GABRB3: variants seen among roughly 807,000 people sequenced by gnomAD.
The protein encoded by GABRB3 is gamma-aminobutyric acid receptor subunit beta-3.
GABRB3 carries 14 observed loss-of-function variants against 52.1 expected under a neutral mutation model. That is an observed-to-expected ratio of 0.27 (90% CI 0.18 to 0.42). The LOEUF (loss-of-function observed/expected upper bound fraction) is 0.42, where lower values mean the gene tolerates loss of function less well. Ranked by LOEUF, GABRB3 falls within the 10% of genes least tolerant of loss-of-function variation. GABRB3 has a pLI of 1.00. For missense variants in GABRB3, 307 were observed against 609.1 expected (o/e 0.50, Z 5.22); for synonymous variants, 260 against 232.3 (o/e 1.12, Z -1.08).
chr15:26,628,854 AC>A (rs1164899386), intron 3 of GABRB3: 3 of 1,022,204 alleles, frequency 2.9e-6, no homozygotes, highest in Non-Finnish European at 2.9e-6. Flanking sequence ...GAGGCCTGAA[AC>A]GGCAGTCCTC....
upstream of GABRB3, chr15:26,773,693 G>A (rs866839835): frequency 6.3e-7 from 1 of 1,575,366 alleles, no homozygotes; most frequent in East Asian, 2.3e-5. Flanking sequence ...GAGCCAGATG[G>A]GCAGCAGGAG....
chr15:26,582,037 C>T (rs1309920979), intron 5 of GABRB3, among the ~76,000 whole-genome samples: 2 of 152,126 alleles, frequency 1.3e-5, no homozygotes, highest in Non-Finnish European at 2.9e-5. Flanking sequence ...TTTCTTTTAT[C>T]TATTCCCAAT....
chr15:26,680,400 T>C (rs1385777356), intron 3 of GABRB3, among the ~76,000 whole-genome samples: 1 of 152,064 alleles, frequency 6.6e-6, no homozygotes, highest in Non-Finnish European at 1.5e-5. Flanking sequence ...AATCCCCACC[T>C]TGGAAGAACT....
intron 3 of GABRB3, among the ~76,000 whole-genome samples, chr15:26,769,025 G>A (rs28581285): frequency 0.013 from 1,930 of 151,870 alleles, 44 homozygotes; most frequent in African/African-American, 0.044. Flanking sequence ...TGAGATCAGA[G>A]ACATTTTTTG....
chr15:26,555,606 C>T (rs1190205580), intron 8 of GABRB3, among the ~76,000 whole-genome samples: 1 of 152,170 alleles, frequency 6.6e-6, no homozygotes, highest in Non-Finnish European at 1.5e-5. Flanking sequence ...CTACAGTGCT[C>T]TTGGGGGCTT....
At chr15:26,642,809 T>C (rs1893240506) in intron 3 of GABRB3, among the ~76,000 whole-genome samples, 1 of 152,200 alleles carries the variant, frequency 6.6e-6, no homozygotes, top group South Asian at 2.1e-4. Flanking sequence ...TTATTGTGTT[T>C]ATCCATTCAT....
intron 3 of GABRB3, among the ~76,000 whole-genome samples, chr15:26,681,903 A>G (rs1888251589): frequency 6.6e-6 from 1 of 152,132 alleles, no homozygotes; most frequent in African/African-American, 2.4e-5. Context: ...GGATGCAGTG[A>G]GCTATGACTG....
chr15:26,671,920 A>T (rs34790186), intron 3 of GABRB3, among the ~76,000 whole-genome samples: 38,620 of 151,868 alleles, frequency 0.25, 5,614 homozygotes, highest in Middle Eastern at 0.45. Context: ...CCCAGGGAAA[A>T]AGTTACTTGT....
chr15:26,720,688 T>C (rs1221595454), intron 3 of GABRB3, among the ~76,000 whole-genome samples: 2 of 152,214 alleles, frequency 1.3e-5, no homozygotes, highest in African/African-American at 2.4e-5. Context: ...ACCTTCTTTA[T>C]ACATGTATAG....
intron 3 of GABRB3, among the ~76,000 whole-genome samples, chr15:26,684,425 G>A (rs1566804677): frequency 6.6e-6 from 1 of 152,108 alleles, no homozygotes; most frequent in Admixed American, 6.5e-5. Flanking sequence ...GAAGAAAAAC[G>A]CACCAGAGTG....
At chr15:26,594,793 C>T (rs1891337219) in intron 4 of GABRB3, among the ~76,000 whole-genome samples, 3 of 152,124 alleles carry the variant, frequency 2.0e-5, no homozygotes, top group Admixed American at 2.0e-4. Flanking sequence ...TAAGATTACA[C>T]GCATGAGCCA....
intron 7 of GABRB3, among the ~76,000 whole-genome samples, chr15:26,566,439 A>G (rs2140693171): frequency 6.6e-6 from 1 of 152,262 alleles, no homozygotes; most frequent in East Asian, 1.9e-4. Context: ...GGTAAACAGA[A>G]AAAGGGCTGG....
chr15:26,666,996 A>T (rs1203199878), intron 3 of GABRB3, among the ~76,000 whole-genome samples: 1 of 144,930 alleles, frequency 6.9e-6, no homozygotes, highest in Non-Finnish European at 1.5e-5. Flanking sequence ...CCAGCACAAG[A>T]ACTGGTGCCC....
At chr15:26,639,715 G>C (rs1893149369) in intron 3 of GABRB3, among the ~76,000 whole-genome samples, 1 of 152,182 alleles carries the variant, frequency 6.6e-6, no homozygotes, top group Non-Finnish European at 1.5e-5. Context: ...TATTCATATA[G>C]AAATCCCTTG....
At chr15:26,617,038 T>C (rs1388345063) in intron 4 of GABRB3, among the ~76,000 whole-genome samples, 2 of 152,112 alleles carry the variant, frequency 1.3e-5, no homozygotes, top group African/African-American at 2.4e-5. Context: ...CAGGAAGAAG[T>C]TGAATCTCTG....
intron 3 of GABRB3, among the ~76,000 whole-genome samples, chr15:26,636,188 A>G (rs1893055768): frequency 6.6e-6 from 1 of 152,200 alleles, no homozygotes; most frequent in African/African-American, 2.4e-5. Flanking sequence ...GGAGAATAAC[A>G]GCACCTTATT....
At chr15:26,741,733 C>T (rs991191854) in intron 3 of GABRB3, among the ~76,000 whole-genome samples, 11 of 152,052 alleles carry the variant, frequency 7.2e-5, no homozygotes, top group African/African-American at 2.7e-4. Context: ...CTCAGCCTCC[C>T]GAGTAGGTGA....
rs1391095920 is a variant in GABRB3, at chr15:26,693,859, T to C, written c.241-72325A>G. On this transcript the variant is annotated intron_variant, in intron 3 of 8. Coordinates refer to ENST00000311550, the MANE Select transcript of GABRB3 (RefSeq NM_000814.6). ...GGGCCCAGTCTTAGGAGAGCCCCTA[T>C]ACTTTTGAGAGTTTTTCCCACCAAT... Among the ~76,000 whole-genome samples the C allele has an allele frequency of 3.9e-5, 6 of 152,304 alleles. No homozygotes were observed. In the East Asian group the frequency reaches 9.7e-4, roughly 25 times the overall value.
At chr15:26,602,823 A>C (rs917311667) in intron 4 of GABRB3, among the ~76,000 whole-genome samples, 1 of 152,088 alleles carries the variant, frequency 6.6e-6, no homozygotes, top group Non-Finnish European at 1.5e-5. Context: ...GAAAAACTTC[A>C]ACTAAATAAC....
Sources: gnomAD v4.1 joint callset for allele counts (sites outside exome capture counted in the v4.1 genomes callset) on GRCh38, gnomAD v4.1.1 for gene constraint, MANE v1.5 for transcripts, NCBI Gene and HGNC (gene_info 2026-07-23, HGNC 2026-07-21) for gene names.